The following GAS7 variants were observed in gnomAD, a reference collection of about 807,000 sequenced individuals.
GAS7 encodes growth arrest-specific protein 7.
Under a neutral mutation model 71.1 loss-of-function variants are expected in GAS7, and 28 were observed. The ratio of observed to expected loss-of-function variants is 0.39; its 90% confidence interval spans 0.29 to 0.54. The LOEUF (loss-of-function observed/expected upper bound fraction) is 0.54. Among genes scored for constraint, GAS7 ranks in the 20% least tolerant of loss-of-function variants. GAS7 has a pLI of 0.62. For missense variants in GAS7, 436 were observed against 627.8 expected, an observed-to-expected ratio of 0.69 and a Z score of 3.27; for synonymous variants, 258 against 245.8, an observed-to-expected ratio of 1.05 and a Z score of -0.46.
chr17:10,016,073 G>C (rs754069846), intron 2 of GAS7, among the ~76,000 whole-genome samples: 1 of 152,180 alleles, frequency 6.6e-6, no homozygotes, highest in Non-Finnish European at 1.5e-5. Flanking sequence ...TTGAAGGAAT[G>C]ATTCAATCAA....
intron 1 of GAS7, among the ~76,000 whole-genome samples, chr17:10,064,859 C>T (rs1357009504): frequency 1.3e-5 from 2 of 152,214 alleles, no homozygotes; most frequent in East Asian, 1.9e-4. Context: ...CACTGGATCT[C>T]GCTCTGTCCC....
At chr17:10,110,974 A>G (rs975383434) in intron 1 of GAS7, among the ~76,000 whole-genome samples, 2 of 152,238 alleles carry the variant, frequency 1.3e-5, no homozygotes, top group South Asian at 2.1e-4. Flanking sequence ...CATCTACCCC[A>G]TAAATATGTA....
chr17:10,084,318 TA>T (rs1446192092), intron 1 of GAS7, among the ~76,000 whole-genome samples: 2 of 152,208 alleles, frequency 1.3e-5, no homozygotes, highest in African/African-American at 2.4e-5. Flanking sequence ...GTTGTCTATT[TA>T]ATAATCATAG....
intron 4 of GAS7, among the ~76,000 whole-genome samples, chr17:9,967,984 T>C (rs1412084527): frequency 6.6e-6 from 1 of 152,228 alleles, no homozygotes; most frequent in Non-Finnish European, 1.5e-5. Context: ...CAGAAGGGAT[T>C]ATGTTTTATC....
chr17:10,183,605 C>A (rs542191214), intron 1 of GAS7, among the ~76,000 whole-genome samples: 2 of 152,232 alleles, frequency 1.3e-5, no homozygotes, highest in South Asian at 4.2e-4. Flanking sequence ...TTTGGGAGGC[C>A]GACACGGGCG....
Position 10,148,909 on chromosome 17 carries a change from C to CAAAAA in GAS7, c.183+49294_183+49298dup, listed in dbSNP as rs752140645. On this transcript the variant is annotated intron_variant, in intron 1 of 13. Transcript: ENST00000432992. ...TGGGCGACAGAGAAAGACTCCGCCT[C>CAAAAA]AAAAAAAAAAAAAAAAAGAATCCTC... 3.4e-3 allele frequency among the ~76,000 whole-genome samples: 394 copies of CAAAAA among 117,180 alleles called. 22 individuals carry two copies. The highest frequency in any genetic ancestry group is 8.3e-3 in the African/African-American group (257 of 30,928). 76.9% of individuals were successfully genotyped at this position (117,180 alleles called of 152,430 possible). A position where few individuals can be genotyped will look rare whatever the true frequency, so the allele number is the denominator to read the frequency against.
chr17:10,138,718 G>A (rs1309539000), intron 1 of GAS7, among the ~76,000 whole-genome samples: 1 of 152,026 alleles, frequency 6.6e-6, no homozygotes. Flanking sequence ...AGTAAGCCGA[G>A]ATCGTGCCAC....
rs79821447 is a variant in GAS7 at position 10,064,042 on chromosome 17, T to G, written c.184-44145A>C. On this transcript the variant is annotated intron_variant, in intron 1 of 13. Transcript: ENST00000432992. Reference sequence around the variant, plus strand: ...ACATGGCCCTCACCAGCTCGAACATTAGTCACACACGTGCCAACAGAAGTT... The same window carrying G: ...ACATGGCCCTCACCAGCTCGAACATGAGTCACACACGTGCCAACAGAAGTT... Among the ~76,000 whole-genome samples, 195 of 152,194 alleles carry G rather than the reference T, an allele frequency of 1.3e-3. 1 individual carries two copies. Among genetic ancestry groups the G allele is most frequent in the Non-Finnish European group, 1.3e-3 (90 of 68,018 alleles).
intron 1 of GAS7, among the ~76,000 whole-genome samples, chr17:10,159,065 C>CATATATAT (rs745794234): frequency 0.051 from 3,033 of 59,754 alleles, 205 homozygotes; most frequent in African/African-American, 0.064. Context: ...GTCTCTAAAA[C>CATATATAT]ATATATATAT....
intron 5 of GAS7, among the ~76,000 whole-genome samples, chr17:9,949,722 C>T (rs1001302108): frequency 1.3e-5 from 2 of 152,168 alleles, no homozygotes; most frequent in Non-Finnish European, 2.9e-5. Context: ...CAGGGCTGCA[C>T]CAAATTCTGC....
chr17:9,928,374 G>A (rs768619407), intron 9 of GAS7, among the ~76,000 whole-genome samples: 43 of 151,288 alleles, frequency 2.8e-4, no homozygotes, highest in Admixed American at 7.3e-4. Flanking sequence ...CGCCCGCCTC[G>A]GCCTCCCAAA....
chr17:9,981,896 A>G lies in GAS7; in HGVS notation c.305-12T>C. On this transcript the variant is annotated splice_polypyrimidine_tract_variant and intron_variant, in intron 2 of 13. Transcript: ENST00000432992. The surrounding 1 kb of genome is among the most constrained non-coding windows in gnomAD (Gnocchi z 4.4). ...TTCCCAGGTGGTCTCTGGTGAAAGA[A>G]GAGCAAAGAAAATCACTTTGAGAAT... is the stretch of plus-strand genomic sequence containing the variant. The G allele has an allele frequency of 6.7e-7, 1 of 1,482,202 alleles. No individual in the cohort carries two copies. The highest frequency in any genetic ancestry group is 9.4e-7 in the Non-Finnish European group (1 of 1,059,858). 91.8% of individuals were successfully genotyped at this position (1,482,202 alleles called of 1,614,324 possible).
intron 3 of GAS7, among the ~76,000 whole-genome samples, chr17:9,980,282 A>G (rs1415735613): frequency 1.3e-5 from 2 of 152,106 alleles, no homozygotes; most frequent in East Asian, 1.9e-4. Context: ...TCAGGTCTCA[A>G]TGCTAGACAA....
chr17:9,979,862 T>TAAAA (rs749550179), intron 3 of GAS7, among the ~76,000 whole-genome samples: 3 of 141,224 alleles, frequency 2.1e-5, no homozygotes, highest in African/African-American at 2.6e-5. Flanking sequence ...TTGATTGTTT[T>TAAAA]AAAAAAAAAA....
intron 1 of GAS7, among the ~76,000 whole-genome samples, chr17:10,128,732 G>A (rs1160689030): frequency 6.6e-6 from 1 of 150,642 alleles, no homozygotes; most frequent in Admixed American, 6.7e-5. Context: ...CCATTCTCCT[G>A]CCTCAGCCTC....
chr17:10,127,195 C>T (rs1185763726), intron 1 of GAS7, among the ~76,000 whole-genome samples: 1 of 152,204 alleles, frequency 6.6e-6, no homozygotes, highest in African/African-American at 2.4e-5. Flanking sequence ...TAACCTTCCA[C>T]GGCTCTGGAC....
rs1393520576 is a variant in GAS7 at position 9,926,782 on chromosome 17, T to C, written c.886-13A>G. 1.2e-6 allele frequency: 2 copies of C among 1,613,562 alleles called. No homozygotes were observed. The highest frequency in any genetic ancestry group is 1.7e-6 in the Non-Finnish European group (2 of 1,179,814). ...CCTCGCTGTGAAGCTGTTGGGAGAGTAGAGACGCACACTCAGGACCCAGGG... is the reference window on the plus strand; with the variant it reads ...CCTCGCTGTGAAGCTGTTGGGAGAGCAGAGACGCACACTCAGGACCCAGGG... On this transcript the variant is annotated splice_polypyrimidine_tract_variant and intron_variant, in intron 9 of 13. Coordinates refer to ENST00000432992, the MANE Select transcript of GAS7 (RefSeq NM_201433.2). This position sits in a 1 kb window ranked among gnomAD's most constrained non-coding sequence, Gnocchi z 5.0.
intron 2 of GAS7, among the ~76,000 whole-genome samples, chr17:10,017,354 G>C (rs1305431252): frequency 2.0e-5 from 3 of 151,070 alleles, no homozygotes; most frequent in Non-Finnish European, 4.4e-5. Context: ...GAGACAGACG[G>C]AGTCTTGCTC....
At chr17:9,955,924 C>G (rs757907175) in intron 5 of GAS7, among the ~76,000 whole-genome samples, 1 of 152,220 alleles carries the variant, frequency 6.6e-6, no homozygotes, top group Non-Finnish European at 1.5e-5. Flanking sequence ...GTCCACTGTG[C>G]AGCTGGGGTT....
Sources: allele counts gnomAD v4.1 joint callset (sites outside exome capture counted in the v4.1 genomes callset), GRCh38; gene constraint gnomAD v4.1.1; non-coding constraint Gnocchi (gnomAD v3.1); transcripts MANE v1.5; gene names NCBI Gene and HGNC (gene_info 2026-07-23, HGNC 2026-07-21).